XPO6: variants seen among roughly 807,000 people sequenced by gnomAD.
XPO6 encodes exportin 6, also known as exportin-6.
A neutral mutation model predicts 130.0 loss-of-function variants in XPO6; 3 were observed. That is an observed-to-expected ratio of 0.02 (90% CI 0.01 to 0.06). The LOEUF (loss-of-function observed/expected upper bound fraction) is 0.06. Among genes scored for constraint, XPO6 ranks in the 10% least tolerant of loss-of-function variants. The probability of loss-of-function intolerance (pLI) is 1.00; values close to 1 mark genes in which losing one functional copy is unlikely to be tolerated. For missense variants in XPO6, 970 were observed against 1,393.0 expected (o/e 0.70, Z 4.83); for synonymous variants, 524 against 548.9 (o/e 0.95, Z 0.63).
chr16:28,176,875 T>G (rs531890714), intron 3 of XPO6, among the ~76,000 whole-genome samples: 1 of 152,162 alleles, frequency 6.6e-6, no homozygotes, highest in East Asian at 1.9e-4. Flanking sequence ...AAATAAAACT[T>G]TTTGTTGTTG....
At chr16:28,141,469 C>T (rs574376621) in intron 9 of XPO6, among the ~76,000 whole-genome samples, 12 of 152,284 alleles carry the variant, frequency 7.9e-5, no homozygotes, top group African/African-American at 2.9e-4. Context: ...TAGTTCATCC[C>T]ACTTTCTCAA....
chr16:28,133,694 G>T, intron 11 of XPO6, 147 bp downstream of exon 11: 1 of 705,648 alleles, frequency 1.4e-6, no homozygotes, highest in Non-Finnish European at 2.3e-6. Context: ...TGTTCAGTTT[G>T]AGCATCACTT....
At chr16:28,195,360 TACTA>T (rs1054197623) in intron 1 of XPO6, among the ~76,000 whole-genome samples, 1 of 152,168 alleles carries the variant, frequency 6.6e-6, no homozygotes, top group Admixed American at 6.6e-5. Context: ...GTAGAACACC[TACTA>T]ACTATGAAAA....
At chr16:28,108,686 C>T (rs2086841830) in intron 17 of XPO6, among the ~76,000 whole-genome samples, 1 of 152,348 alleles carries the variant, frequency 6.6e-6, no homozygotes, top group East Asian at 1.9e-4. Context: ...TGAGCCAGAG[C>T]TGGGCTGAGA....
chr16:28,196,874 G>C (rs1023518884), intron 1 of XPO6, among the ~76,000 whole-genome samples: 1 of 152,138 alleles, frequency 6.6e-6, no homozygotes, highest in Non-Finnish European at 1.5e-5. Flanking sequence ...GAAGTAGCCT[G>C]AGTCCCTTAC....
intron 4 of XPO6, among the ~76,000 whole-genome samples, chr16:28,173,333 T>G (rs979895130): frequency 2.6e-5 from 4 of 152,142 alleles, no homozygotes; most frequent in Admixed American, 6.6e-5. Context: ...CAAGAATAAA[T>G]AAGAAGCAGG....
chr16:28,169,655 G>T, intron 5 of XPO6, 95 bp downstream of exon 5: 1 of 1,497,466 alleles, frequency 6.7e-7, no homozygotes, highest in Non-Finnish European at 9.0e-7. Context: ...CTCAGAAACA[G>T]CGCAAACAAC....
At chr16:28,122,912 A>C (rs2087281527) in intron 13 of XPO6, among the ~76,000 whole-genome samples, 1 of 152,110 alleles carries the variant, frequency 6.6e-6, no homozygotes, top group South Asian at 2.1e-4. Context: ...GAGGCAGATG[A>C]AAGGAGCAAA....
chr16:28,168,131 C>T (rs1212598949), intron 5 of XPO6, among the ~76,000 whole-genome samples: 1 of 152,120 alleles, frequency 6.6e-6, no homozygotes, highest in African/African-American at 2.4e-5. Context: ...CTGTAGGACA[C>T]AGAGGTATAA....
intron 5 of XPO6, among the ~76,000 whole-genome samples, chr16:28,168,786 T>G (rs28600280): frequency 0.017 from 2,591 of 150,756 alleles, 36 homozygotes; most frequent in African/African-American, 0.048. Context: ...GTTTTGTTTT[T>G]TTTTTTTTCC....
intron 4 of XPO6, among the ~76,000 whole-genome samples, chr16:28,171,739 C>A (rs1300140055): frequency 2.0e-5 from 3 of 152,134 alleles, no homozygotes; most frequent in Non-Finnish European, 2.9e-5. Context: ...ACAAATTGGG[C>A]CTATTTCTAA....
intron 1 of XPO6, among the ~76,000 whole-genome samples, chr16:28,200,812 T>C (rs2043942208): frequency 6.6e-6 from 1 of 152,092 alleles, no homozygotes; most frequent in Admixed American, 6.6e-5. Flanking sequence ...TCCTCAACTA[T>C]AAAATGGGAA....
chr16:28,129,223 T>C (rs2042619979), intron 12 of XPO6, among the ~76,000 whole-genome samples: 2 of 152,246 alleles, frequency 1.3e-5, no homozygotes, highest in Admixed American at 1.3e-4. Flanking sequence ...GACAATCGCA[T>C]GGGCAATAAA....
At chr16:28,145,754 C>T (rs2042971520) in intron 9 of XPO6, among the ~76,000 whole-genome samples, 1 of 152,132 alleles carries the variant, frequency 6.6e-6, no homozygotes, top group African/African-American at 2.4e-5. Context: ...TCCCTTCTAC[C>T]CCCACTGGGT....
intron 2 of XPO6, among the ~76,000 whole-genome samples, chr16:28,180,638 C>A (rs1413314493): frequency 6.6e-6 from 1 of 152,144 alleles, no homozygotes; most frequent in Non-Finnish European, 1.5e-5. Flanking sequence ...TCAAGACCAG[C>A]CTGGGCAACA....
At chr16:28,188,526 G>A (rs1156363379) in intron 1 of XPO6, among the ~76,000 whole-genome samples, 3 of 152,062 alleles carry the variant, frequency 2.0e-5, no homozygotes, top group Non-Finnish European at 4.4e-5. Context: ...TAAAAAGTAT[G>A]CAAAACATAT....
chr16:28,146,162 C>T lies in XPO6; in HGVS notation c.1266G>A (p.Thr422=), dbSNP rs531346805. Residue 422 remains threonine (T), a synonymous_variant, in exon 9 of 24, where the codon ACG becomes ACA. Transcript: ENST00000304658. ...EGYFSCLDIW[T]LFLDYLTSKI... ...TACTTGTCAGATAGTCCAAAAACAGCGTCCAGATATCCAAACAAGAGAAGT... is the reference window on the plus strand; with the variant it reads ...TACTTGTCAGATAGTCCAAAAACAGTGTCCAGATATCCAAACAAGAGAAGT... 5.6e-6 allele frequency: 9 copies of T among 1,614,070 alleles called. 1 individual carries two copies. Among genetic ancestry groups the T allele is most frequent in the Admixed American group, 3.3e-5 (2 of 60,024 alleles).
chr16:28,139,021 T>C (rs2042835398), intron 9 of XPO6, among the ~76,000 whole-genome samples: 2 of 152,216 alleles, frequency 1.3e-5, no homozygotes, highest in Non-Finnish European at 2.9e-5. Context: ...ATGAGGTTCC[T>C]CTATGGTCTG....
At chr16:28,112,291 G>A (rs1330412942) in intron 16 of XPO6, among the ~76,000 whole-genome samples, 1 of 152,186 alleles carries the variant, frequency 6.6e-6, no homozygotes, top group Non-Finnish European at 1.5e-5. Context: ...AAATCACACT[G>A]CAGACACTGA....
Sources: gnomAD v4.1 joint callset for allele counts (sites outside exome capture counted in the v4.1 genomes callset) on GRCh38, gnomAD v4.1.1 for gene constraint, MANE v1.5 for transcripts, NCBI Gene and HGNC (gene_info 2026-07-23, HGNC 2026-07-21) for gene names.